Variants in EFNA5 observed in about 807,000 individuals in gnomAD.
EFNA5 encodes the protein ephrin A5.
A neutral mutation model predicts 22.9 loss-of-function variants in EFNA5; 5 were observed. That is an observed-to-expected ratio of 0.22 (90% confidence interval 0.11 to 0.46). The LOEUF is 0.46. Among genes scored for constraint, EFNA5 ranks in the 20% least tolerant of loss-of-function variants. The probability of loss-of-function intolerance (pLI) is 0.99; values close to 1 mark genes in which losing one functional copy is unlikely to be tolerated. For missense variants in EFNA5, 237 were observed against 293.3 expected, an observed-to-expected ratio of 0.81 and a Z score of 1.40; for synonymous variants, 113 against 112.2, an observed-to-expected ratio of 1.01 and a Z score of -0.04.
At chr5:107,475,272 G>A (rs917486430) in intron 1 of EFNA5, among the ~76,000 whole-genome samples, 1 of 152,184 alleles carries the variant, frequency 6.6e-6, no homozygotes, top group Admixed American at 6.5e-5. Flanking sequence ...AGGTACTGGT[G>A]CAACCCCACC....
intron 1 of EFNA5, among the ~76,000 whole-genome samples, chr5:107,499,610 T>C (rs184468133): frequency 1.3e-5 from 2 of 152,242 alleles, no homozygotes; most frequent in African/African-American, 4.8e-5. Flanking sequence ...TGCCCACAGA[T>C]GGACTAGCAT....
intron 3 of EFNA5, 24 bp from the exon 4 acceptor site, chr5:107,387,339 G>A: frequency 6.7e-7 from 1 of 1,499,358 alleles, no homozygotes; most frequent in South Asian, 1.2e-5. Flanking sequence ...AGAGATAACA[G>A]CCAAATATGT....
At chr5:107,624,898 T>A (rs991898016) in intron 1 of EFNA5, among the ~76,000 whole-genome samples, 2 of 152,152 alleles carry the variant, frequency 1.3e-5, no homozygotes, top group African/African-American at 4.8e-5. Flanking sequence ...ATTTTATATA[T>A]AAACATTCAT....
At chr5:107,562,457 A>G (rs1285159066) in intron 1 of EFNA5, among the ~76,000 whole-genome samples, 1 of 152,104 alleles carries the variant, frequency 6.6e-6, no homozygotes. Context: ...TGAAGTTGAA[A>G]GTATTTATTA....
chr5:107,519,322 A>AT (rs1747546594), intron 1 of EFNA5, among the ~76,000 whole-genome samples: 1 of 152,242 alleles, frequency 6.6e-6, no homozygotes, highest in African/African-American at 2.4e-5. Context: ...TGAAATGTAG[A>AT]TTTTTACAAA....
chr5:107,495,228 A>C (rs1364096716), intron 1 of EFNA5, among the ~76,000 whole-genome samples: 5 of 152,110 alleles, frequency 3.3e-5, no homozygotes, highest in Non-Finnish European at 7.4e-5. Context: ...CACCATGAAG[A>C]TCTGCGGCTC....
chr5:107,642,233 T>C (rs115744297), intron 1 of EFNA5, among the ~76,000 whole-genome samples: 228 of 152,280 alleles, frequency 1.5e-3, no homozygotes, highest in African/African-American at 5.2e-3. Flanking sequence ...AACTTTCCCT[T>C]AGACAGAAGG....
chr5:107,414,494 C>T (rs1257514974), intron 2 of EFNA5, among the ~76,000 whole-genome samples: 2 of 152,128 alleles, frequency 1.3e-5, no homozygotes, highest in East Asian at 3.8e-4. Flanking sequence ...TACATTGGCC[C>T]TCTAGGTAAA....
chr5:107,634,522 G>A (rs1271090411), intron 1 of EFNA5, among the ~76,000 whole-genome samples: 1 of 113,290 alleles, frequency 8.8e-6, no homozygotes, highest in African/African-American at 2.7e-5. Flanking sequence ...CACAAAAAAA[G>A]AAGAAAGTTC....
At chr5:107,641,316 C>T (rs1437385462) in intron 1 of EFNA5, among the ~76,000 whole-genome samples, 1 of 151,210 alleles carries the variant, frequency 6.6e-6, no homozygotes, top group Non-Finnish European at 1.5e-5. Flanking sequence ...AGAGACTGTA[C>T]CACCGCACTC....
intron 1 of EFNA5, among the ~76,000 whole-genome samples, chr5:107,646,487 T>C (rs920964703): frequency 8.5e-5 from 13 of 152,188 alleles, no homozygotes; most frequent in African/African-American, 2.9e-4. Flanking sequence ...AAGTAGATTA[T>C]AAGTATCTGG....
intron 2 of EFNA5, chr5:107,426,939 G>T: frequency 5.8e-6 from 2 of 342,850 alleles, no homozygotes; most frequent in South Asian, 5.7e-5. Flanking sequence ...CTGAGCTTTG[G>T]AGAAGTCCTG....
intron 1 of EFNA5, among the ~76,000 whole-genome samples, chr5:107,597,207 T>G (rs1749491082): frequency 6.6e-6 from 1 of 152,210 alleles, no homozygotes; most frequent in Non-Finnish European, 1.5e-5. Context: ...TTAAATCATC[T>G]TAAAGCCTAA....
chr5:107,425,159 T>C (rs1032749245), intron 2 of EFNA5, among the ~76,000 whole-genome samples: 2 of 152,222 alleles, frequency 1.3e-5, no homozygotes, highest in Admixed American at 6.5e-5. Flanking sequence ...TAGTGAAATA[T>C]TGAATTTAAC....
intron 1 of EFNA5, among the ~76,000 whole-genome samples, chr5:107,614,757 G>A (rs1389933623): frequency 6.6e-6 from 1 of 152,084 alleles, no homozygotes; most frequent in Non-Finnish European, 1.5e-5. Context: ...TTGAGTATTT[G>A]TGCCATATTA....
chr5:107,488,351 A>T (rs1746701915), intron 1 of EFNA5, among the ~76,000 whole-genome samples: 2 of 152,176 alleles, frequency 1.3e-5, no homozygotes, highest in African/African-American at 4.8e-5. Flanking sequence ...ATTCAAGTCT[A>T]TTTAGATTAT....
chr5:107,448,866 T>TAAATAAATA (rs111606856), intron 1 of EFNA5, among the ~76,000 whole-genome samples: 2,016 of 141,246 alleles, frequency 0.014, 26 homozygotes, highest in Middle Eastern at 0.029. Flanking sequence ...AATAAATAAA[T>TAAATAAATA]AAATAAAATA....
intron 1 of EFNA5, among the ~76,000 whole-genome samples, chr5:107,466,516 G>C (rs1749987883): frequency 6.6e-6 from 1 of 152,128 alleles, no homozygotes; most frequent in African/African-American, 2.4e-5. Context: ...TGATGTCACG[G>C]GGCCAAATCT....
chr5:107,642,300 A>G (rs568322026), intron 1 of EFNA5, among the ~76,000 whole-genome samples: 9 of 152,174 alleles, frequency 5.9e-5, no homozygotes, highest in Non-Finnish European at 1.2e-4. Context: ...AATATATTGT[A>G]TACTTCAAAA....
Sources: gnomAD v4.1 joint callset for allele counts (sites outside exome capture counted in the v4.1 genomes callset) on GRCh38, gnomAD v4.1.1 for gene constraint, MANE v1.5 for transcripts, NCBI Gene and HGNC (gene_info 2026-07-23, HGNC 2026-07-21) for gene names.